The following PKN3 variants were observed in gnomAD, a reference collection of about 807,000 sequenced individuals.
PKN3 encodes the protein serine/threonine-protein kinase N3.
A neutral mutation model predicts 113.1 loss-of-function variants in PKN3; 91 were observed. The observed-to-expected ratio is 0.80, with a 90% confidence interval of 0.68 to 0.96. PKN3 has a LOEUF of 0.96. Among genes scored for constraint, PKN3 ranks in the 40% least tolerant of loss-of-function variants. The probability of loss-of-function intolerance (pLI) is 0.00; values close to 1 mark genes in which losing one functional copy is unlikely to be tolerated. For synonymous variants in PKN3, 467 were observed against 499.0 expected (o/e 0.94, Z 0.85); for missense variants, 1,052 against 1,202.2 (o/e 0.88, Z 1.85).
rs772510422 is a variant in PKN3 at position 128,713,307 on chromosome 9, A to G, written c.1012A>G (p.Asn338Asp). ...GGTGCTGGCTGTGCTAAAGGTGGAC[A>G]ACCGTGTTGTGGGGCAGACGGGCTG... is the stretch of plus-strand genomic sequence containing the variant. ...SEVLAVLKVD[N>D]RVVGQTGWGQ... Residue 338 changes from asparagine to aspartate, a missense_variant, in exon 8 of 22, where the codon AAC becomes GAC. By Grantham distance (23) the Asn-to-Asp change is conservative. Transcript: ENST00000291906. The G allele has an allele frequency of 6.2e-7, 1 of 1,614,096 alleles. No homozygotes were observed. Among genetic ancestry groups the G allele is most frequent in the East Asian group, 2.2e-5 (1 of 44,878 alleles).
intron 6 of PKN3, among the ~76,000 whole-genome samples, chr9:128,709,450 G>A (rs941371254): frequency 9.6e-5 from 14 of 145,664 alleles, no homozygotes; most frequent in Non-Finnish European, 1.7e-4. Context: ...CAGAGAGCCC[G>A]TCTCAAAAAA....
intron 1 of PKN3, among the ~76,000 whole-genome samples, 168 bp from the exon 2 acceptor site, chr9:128,705,135 A>G (rs1368020233): frequency 6.6e-6 from 1 of 152,076 alleles, no homozygotes; most frequent in Non-Finnish European, 1.5e-5. Flanking sequence ...CGGAGTTTCC[A>G]TCTGGCTCAG....
At chr9:128,705,012 T>C (rs1861965532) in intron 1 of PKN3, among the ~76,000 whole-genome samples, 1 of 151,846 alleles carries the variant, frequency 6.6e-6, no homozygotes, top group Non-Finnish European at 1.5e-5. Context: ...TGTGGTAATA[T>C]ATGCAAAGCA....
chr9:128,708,569 G>A (rs1862087414), intron 6 of PKN3, among the ~76,000 whole-genome samples: 1 of 152,004 alleles, frequency 6.6e-6, no homozygotes, highest in African/African-American at 2.4e-5. Context: ...TCTTGGCTGG[G>A]CACAGTGGCT....
rs750578660 is a variant in PKN3 at position 128,720,419 on chromosome 9, C to A, written c.2483C>A (p.Ala828Asp). 3.1e-6 allele frequency: 5 copies of A among 1,613,178 alleles called. No individual in the cohort carries two copies. The highest frequency in any genetic ancestry group is 4.2e-6 in the Non-Finnish European group (5 of 1,180,002). ...ACCACCAACTGGCAAGCCCTGCTCGCCCGCACCATCCAGCCCCCCTTCGTG... is the reference window on the plus strand; with the variant it reads ...ACCACCAACTGGCAAGCCCTGCTCGACCGCACCATCCAGCCCCCCTTCGTG... ...FRTTNWQALL[A>D]RTIQPPFVPT... is the part of the protein sequence containing the mutation. The change falls in exon 22 of 22, where the codon GCC becomes GAC. Residue 828 changes from alanine (A) to aspartate (D), a missense_variant. Ala to Asp is a moderately radical substitution (Grantham distance 126). This residue lies in a region of PKN3 where 333 missense variants were observed against 442.8 expected (regional missense o/e 0.75). Coordinates refer to ENST00000291906, the MANE Select transcript of PKN3 (RefSeq NM_013355.5). The surrounding 1 kb of genome is among the most constrained non-coding windows in gnomAD (Gnocchi z 5.5).
At chr9:128,712,202 G>T (rs535546129) in intron 6 of PKN3, among the ~76,000 whole-genome samples, 38 of 152,278 alleles carry the variant, frequency 2.5e-4, no homozygotes, top group African/African-American at 7.9e-4. Context: ...GAGCCACTGC[G>T]CCCGGCCGAG....
intron 3 of PKN3, among the ~76,000 whole-genome samples, chr9:128,706,486 A>C (rs1862021573): frequency 6.6e-6 from 1 of 152,180 alleles, no homozygotes; most frequent in Non-Finnish European, 1.5e-5. Flanking sequence ...GCATGACCCC[A>C]GCCGTGATAT....
At chr9:128,718,489 G>A (rs996203192) in intron 17 of PKN3, 60 bp from the exon 18 acceptor site, 103 of 1,590,514 alleles carry the variant, frequency 6.5e-5, no homozygotes, top group South Asian at 4.3e-4. Context: ...TCCAGGGGCC[G>A]TTACTGTTCC....
At chr9:128,706,611 T>C (rs930535334) in intron 3 of PKN3, 102 bp from the exon 4 acceptor site, 2 of 883,740 alleles carry the variant, frequency 2.3e-6, no homozygotes, top group African/African-American at 3.4e-5. Flanking sequence ...AGGTTTCACT[T>C]TAACCCTGTT....
intron 8 of PKN3, 27 bp downstream of exon 8, chr9:128,713,414 G>C: frequency 6.2e-7 from 1 of 1,612,684 alleles, no homozygotes; most frequent in South Asian, 1.1e-5. Flanking sequence ...TGTGGTCAGG[G>C]GTGACCTTGG....
At chr9:128,710,306 G>C (rs1488174624) in intron 6 of PKN3, among the ~76,000 whole-genome samples, 2 of 151,742 alleles carry the variant, frequency 1.3e-5, no homozygotes, top group Non-Finnish European at 2.9e-5. Context: ...CAAATAATCT[G>C]AGAGCATGGG....
In PKN3 at chr9:128,707,209, G is replaced by A; in HGVS notation, c.652-13G>A. ...TACCCCACGAACCTGGCTCTACGTT[G>A]TCCCCTCTGCAGGCCCAGGCCCAGC... is the stretch of plus-strand genomic sequence containing the variant. On this transcript the variant is annotated splice_polypyrimidine_tract_variant and intron_variant, in intron 5 of 21. Coordinates refer to ENST00000291906, the MANE Select transcript of PKN3 (RefSeq NM_013355.5). The A allele has an allele frequency of 6.3e-7, 1 of 1,597,108 alleles. No homozygotes were observed. The highest frequency in any genetic ancestry group is 8.6e-7 in the Non-Finnish European group (1 of 1,168,216).
intron 6 of PKN3, among the ~76,000 whole-genome samples, chr9:128,712,696 G>C (rs1862213939): frequency 6.6e-6 from 1 of 152,220 alleles, no homozygotes; most frequent in South Asian, 2.1e-4. Flanking sequence ...AGAGCCAGTT[G>C]CTCTGCCCTG....
intron 18 of PKN3, among the ~76,000 whole-genome samples, chr9:128,718,894 T>G (rs1862426794): frequency 6.9e-5 from 2 of 28,792 alleles, no homozygotes; most frequent in South Asian, 2.7e-3. Flanking sequence ...CTGTTTTTTT[T>G]TTGGTTTGTT....
At chr9:128,705,957 A>C in intron 3 of PKN3, 78 bp downstream of exon 3, 86 of 1,396,996 alleles carry the variant, frequency 6.2e-5, no homozygotes, top group Non-Finnish European at 7.7e-5. Flanking sequence ...CATTGGGCTC[A>C]TAAGGAGACA....
rs34182369 is a variant in PKN3 at position 128,717,117 on chromosome 9, C to CTTTTTTTT, written c.1985+213_1985+220dup. Reference sequence around the variant, plus strand: ...GCTTATGAAGCTGTGCATTAGGTTTCTTTTTTTTTTTTTTTTTTTTTTTTT... The same window carrying CTTTTTTTT: ...GCTTATGAAGCTGTGCATTAGGTTTCTTTTTTTTTTTTTTTTTTTTTTTTTTTTTTTTT... On this transcript the variant is annotated intron_variant, in intron 16 of 21. Transcript: ENST00000291906. Among the ~76,000 whole-genome samples the CTTTTTTTT allele has an allele frequency of 8.6e-3, 209 of 24,376 alleles. 75 individuals are homozygous for CTTTTTTTT. The highest frequency in any genetic ancestry group is 0.018 in the South Asian group (7 of 398). 16.0% of individuals were successfully genotyped at this position (24,376 alleles called of 152,430 possible).
intron 1 of PKN3, among the ~76,000 whole-genome samples, chr9:128,705,062 TC>T (rs1037914178): frequency 2.6e-5 from 4 of 151,904 alleles, no homozygotes; most frequent in African/African-American, 9.7e-5. Context: ...GTGTGAACTG[TC>T]CCCCCCGCCA....
Position 128,713,305 on chromosome 9 carries a change from A to ACAAC in PKN3, c.1012_1015dup (p.Arg339GlnfsTer30). 1 of 1,614,074 alleles carries ACAAC rather than the reference A, an allele frequency of 6.2e-7. No homozygotes were observed. The highest frequency in any genetic ancestry group is 8.5e-7 in the Non-Finnish European group (1 of 1,180,008). On this transcript the variant is annotated frameshift_variant, in exon 8 of 22. Transcript: ENST00000291906. LOFTEE classifies it high-confidence loss of function. ...GAGGTGCTGGCTGTGCTAAAGGTGG[A>ACAAC]CAACCGTGTTGTGGGGCAGACGGGC... is the stretch of plus-strand genomic sequence containing the variant.
At chr9:128,703,864 C>G (rs1861927801) in intron 1 of PKN3, 1 of 985,466 alleles carries the variant, frequency 1.0e-6, no homozygotes, top group Non-Finnish European at 1.2e-6. Flanking sequence ...ACACATTTTC[C>G]GATTTCCTGC....
Sources: allele counts gnomAD v4.1 joint callset (sites outside exome capture counted in the v4.1 genomes callset), GRCh38; gene constraint gnomAD v4.1.1; regional missense constraint gnomAD v4.1.1; non-coding constraint Gnocchi (gnomAD v3.1); transcripts MANE v1.5; gene names NCBI Gene and HGNC (gene_info 2026-07-23, HGNC 2026-07-21).